The following ALDH3B2 variants were observed in gnomAD, a reference collection of about 807,000 sequenced individuals.
ALDH3B2 encodes the protein aldehyde dehydrogenase 3 family member B2.
In ALDH3B2, 45 loss-of-function variants were observed where a neutral mutation model predicts 36.7. The observed-to-expected ratio is 1.23, with a 90% confidence interval of 0.97 to 1.57. The LOEUF (loss-of-function observed/expected upper bound fraction) is 1.57, where lower values mean the gene tolerates loss of function less well. Ranked by LOEUF, ALDH3B2 falls within the 40% of genes most tolerant of loss-of-function variation. The pLI is 0.00. For synonymous variants in ALDH3B2, 217 were observed against 226.5 expected (o/e 0.96, Z 0.38); for missense variants, 464 against 513.3 (o/e 0.90, Z 0.93).
chr11:67,666,362 C>G (rs1490658894), exon 5 of ALDH3B2: 3 of 1,605,814 alleles, frequency 1.9e-6, no homozygotes, highest in East Asian at 4.5e-5. Flanking sequence ...CTTCTCTGTG[C>G]CCTGGCTGAT....
Position 67,666,557 on chromosome 11 carries a change from C to A in ALDH3B2, c.151+17G>T. ...TACTGGGCGGGGAGAGCATGGGGTTCGGAACGCCCTCCTCACCTGCGGCGA... is the reference window on the plus strand; with the variant it reads ...TACTGGGCGGGGAGAGCATGGGGTTAGGAACGCCCTCCTCACCTGCGGCGA... On this transcript the variant is annotated intron_variant, in intron 4 of 9. Transcript: ENST00000349015. 6.2e-7 allele frequency: 1 copy of A among 1,613,520 alleles called. No homozygotes were observed. Among genetic ancestry groups the A allele is most frequent in the South Asian group, 1.1e-5 (1 of 91,034 alleles).
chr11:67,664,519 C>A, exon 8 of ALDH3B2: 1 of 1,613,966 alleles, frequency 6.2e-7, no homozygotes, highest in Non-Finnish European at 8.5e-7. Flanking sequence ...TCTCCTCCTG[C>A]ATCACAGGCT....
At chr11:67,666,334 C>T in exon 5 of ALDH3B2, 2 of 1,606,270 alleles carry the variant, frequency 1.2e-6, no homozygotes, top group East Asian at 2.3e-5. Flanking sequence ...GGTACTGGGG[C>T]AGCACCTCAG....
intron 1 of ALDH3B2, among the ~76,000 whole-genome samples, chr11:67,680,988 G>T (rs988148669): frequency 6.6e-6 from 1 of 152,162 alleles, no homozygotes; most frequent in East Asian, 1.9e-4. Context: ...TCAAGGATGG[G>T]TACACAAATG....
exon 7 of ALDH3B2, chr11:67,665,468 T>A: frequency 1.2e-6 from 2 of 1,613,922 alleles, no homozygotes; most frequent in Non-Finnish European, 1.7e-6. Flanking sequence ...CTCTCCTGCA[T>A]CTCGGGGCTG....
chr11:67,665,342 G>A (rs1344593073), exon 7 of ALDH3B2: 1 of 1,612,508 alleles, frequency 6.2e-7, no homozygotes, highest in Non-Finnish European at 8.5e-7. Context: ...CTGCAGCCCA[G>A]CAATGCCCGC....
upstream of ALDH3B2, among the ~76,000 whole-genome samples, chr11:67,678,880 C>G (rs570673092): frequency 5.9e-5 from 9 of 151,930 alleles, no homozygotes; most frequent in South Asian, 1.9e-3. Flanking sequence ...TTGCAATGAT[C>G]TGGATGAGAT....
intron 1 of ALDH3B2, 131 bp from the exon 2 acceptor site, chr11:67,667,766 T>G: frequency 4.8e-6 from 1 of 207,066 alleles, no homozygotes; most frequent in Non-Finnish European, 9.6e-6. Context: ...CCCCACCTCA[T>G]ACACACACAG....
At chr11:67,665,186 G>T (rs916212352) in intron 7 of ALDH3B2, 99 bp downstream of exon 7, 2 of 1,510,804 alleles carry the variant, frequency 1.3e-6, no homozygotes, top group African/African-American at 1.4e-5. Context: ...TAGTGGGGCC[G>T]GGTTTCAGGT....
intron 8 of ALDH3B2, 64 bp from the exon 9 acceptor site, chr11:67,663,825 C>T: frequency 2.1e-6 from 3 of 1,413,188 alleles, no homozygotes; most frequent in Non-Finnish European, 2.9e-6. Flanking sequence ...GAGCCCCGCA[C>T]ATTCCACAGC....
intron 1 of ALDH3B2, among the ~76,000 whole-genome samples, chr11:67,668,841 GTGTC>G (rs1196070048): frequency 6.8e-6 from 1 of 147,420 alleles, no homozygotes; most frequent in Non-Finnish European, 1.5e-5. Flanking sequence ...GTGTCTGTGT[GTGTC>G]TGTGTATGTA....
At chr11:67,669,723 G>T in intron 1 of ALDH3B2, among the ~76,000 whole-genome samples, 1 of 126,450 alleles carries the variant, frequency 7.9e-6, no homozygotes. Flanking sequence ...TGTGCGTATG[G>T]GTGTCTGTGT....
chr11:67,662,612 C>T (rs1178966701), exon 10 of ALDH3B2: 2 of 152,716 alleles, frequency 1.3e-5, no homozygotes, highest in Non-Finnish European at 2.9e-5. Context: ...AAGGGACTTG[C>T]CCCCAGGTCC....
upstream of ALDH3B2, among the ~76,000 whole-genome samples, chr11:67,678,707 CTA>C (rs36154763): frequency 2.8e-4 from 41 of 145,472 alleles, no homozygotes; most frequent in African/African-American, 6.6e-4. Context: ...ACTATGGTGT[CTA>C]TATATATATA....
chr11:67,679,355 C>A (rs1459911828), upstream of ALDH3B2, among the ~76,000 whole-genome samples: 2 of 152,020 alleles, frequency 1.3e-5, no homozygotes, highest in Non-Finnish European at 2.9e-5. Context: ...CCTGTAATCC[C>A]AGTTACTTGG....
intron 1 of ALDH3B2, among the ~76,000 whole-genome samples, chr11:67,671,547 C>G (rs114947910): frequency 6.1e-5 from 6 of 97,660 alleles, no homozygotes; most frequent in African/African-American, 1.7e-4. Flanking sequence ...GCCTCCCCCC[C>G]CTTTTTTTTT....
At chr11:67,664,658 C>A in intron 7 of ALDH3B2, 96 bp from the exon 8 acceptor site, 1 of 1,505,722 alleles carries the variant, frequency 6.6e-7, no homozygotes, top group Non-Finnish European at 8.9e-7. Flanking sequence ...GCCAGGGCTC[C>A]AGGCCAGGAT....
At chr11:67,679,180 A>T (rs1856323786), upstream of ALDH3B2, among the ~76,000 whole-genome samples, 1 of 152,142 alleles carries the variant, frequency 6.6e-6, no homozygotes, top group Non-Finnish European at 1.5e-5. Context: ...TGGAAAAAAA[A>T]TCAGGGGCCA....
At chr11:67,670,286 G>A (rs545335355) in intron 1 of ALDH3B2, among the ~76,000 whole-genome samples, 1 of 150,526 alleles carries the variant, frequency 6.6e-6, no homozygotes, top group Non-Finnish European at 1.5e-5. Flanking sequence ...GTCTGTGTGT[G>A]TATGGGTGTC....
Sources: allele counts gnomAD v4.1 joint callset (sites outside exome capture counted in the v4.1 genomes callset), GRCh38; gene constraint gnomAD v4.1.1; transcripts MANE v1.5; gene names NCBI Gene and HGNC (gene_info 2026-07-23, HGNC 2026-07-21).